The following PDE1A variants were observed in gnomAD, a reference collection of about 807,000 sequenced individuals.
PDE1A encodes the protein dual specificity calcium/calmodulin-dependent 3',5'-cyclic nucleotide phosphodiesterase 1A.
PDE1A carries 35 observed loss-of-function variants against 61.7 expected under a neutral mutation model. The ratio of observed to expected loss-of-function variants is 0.57; its 90% CI spans 0.43 to 0.75. The LOEUF (loss-of-function observed/expected upper bound fraction) is 0.75. Ranked by LOEUF, PDE1A falls within the 30% of genes least tolerant of loss-of-function variation. The pLI is 0.00. For synonymous variants in PDE1A, 232 were observed against 213.2 expected, an observed-to-expected ratio of 1.09 and a Z score of -0.77; for missense variants, 597 against 630.6, an observed-to-expected ratio of 0.95 and a Z score of 0.57.
chr2:182,649,403 G>A, the PDE1A span, among the ~76,000 whole-genome samples: 1 of 152,150 alleles, frequency 6.6e-6, no homozygotes, highest in Non-Finnish European at 1.5e-5. Flanking sequence ...AGAACATAGA[G>A]AGACGCAGGA....
At chr2:182,511,356 T>A (rs1371095348) in intron 2 of PDE1A, among the ~76,000 whole-genome samples, 1 of 152,002 alleles carries the variant, frequency 6.6e-6, no homozygotes, top group East Asian at 1.9e-4. Flanking sequence ...GAATGCTGTA[T>A]GGGATTGCCA....
intron 2 of PDE1A, among the ~76,000 whole-genome samples, chr2:182,449,239 CA>C (rs1202531328): frequency 1.4e-5 from 2 of 145,438 alleles, no homozygotes; most frequent in East Asian, 2.0e-4. Flanking sequence ...AAAAATATAC[CA>C]AAAAAAAGAA....
At chr2:182,412,773 C>A (rs1489144939) in intron 1 of PDE1A, among the ~76,000 whole-genome samples, 2 of 152,148 alleles carry the variant, frequency 1.3e-5, no homozygotes, top group Non-Finnish European at 2.9e-5. Context: ...TTCTCTAATT[C>A]TATGGATATG....
At chr2:182,449,515 G>A (rs1334746979) in intron 2 of PDE1A, among the ~76,000 whole-genome samples, 1 of 151,998 alleles carries the variant, frequency 6.6e-6, no homozygotes, top group Non-Finnish European at 1.5e-5. Flanking sequence ...AAAGGAGGGT[G>A]TTTGTAGTTC....
chr2:182,568,539 G>A, the PDE1A span, among the ~76,000 whole-genome samples: 195 of 152,138 alleles, frequency 1.3e-3, no homozygotes, highest in African/African-American at 4.3e-3. Context: ...AGTGGCGGGC[G>A]CCTGTAGTCC....
chr2:182,212,280 C>G (rs1687683737), intron 7 of PDE1A, among the ~76,000 whole-genome samples: 1 of 151,478 alleles, frequency 6.6e-6, no homozygotes. Flanking sequence ...TATATATACA[C>G]ACACACACAT....
intron 1 of PDE1A, among the ~76,000 whole-genome samples, chr2:182,387,428 GAAGAAAGAAAGAGAGA>G (rs1701178235): frequency 6.6e-6 from 1 of 150,662 alleles, no homozygotes; most frequent in African/African-American, 2.4e-5. Flanking sequence ...AAAAAAAAAA[GAAGAAAGAAAGAGAGA>G]AAGAAAGAAA....
At chr2:182,328,161 G>A (rs1021446152) in intron 1 of PDE1A, among the ~76,000 whole-genome samples, 4 of 152,196 alleles carry the variant, frequency 2.6e-5, no homozygotes, top group Admixed American at 1.3e-4. Flanking sequence ...CAGAGACCAA[G>A]AAGGTGTGAA....
the PDE1A span, among the ~76,000 whole-genome samples, chr2:182,669,351 T>G: frequency 6.6e-5 from 10 of 152,352 alleles, no homozygotes; most frequent in African/African-American, 2.2e-4. Context: ...AATTATTGTT[T>G]TGACAAAGTC....
At chr2:182,632,694 T>C in the PDE1A span, among the ~76,000 whole-genome samples, 2 of 152,126 alleles carry the variant, frequency 1.3e-5, no homozygotes, top group Non-Finnish European at 2.9e-5. Flanking sequence ...TGAAAGCAAA[T>C]AGACTACACC....
intron 7 of PDE1A, among the ~76,000 whole-genome samples, chr2:182,206,813 C>G (rs1023420297): frequency 6.6e-6 from 1 of 152,088 alleles, no homozygotes; most frequent in Admixed American, 6.6e-5. Context: ...CTCATGAGAT[C>G]TGGTGGTTTA....
At chr2:182,156,087 G>A (rs1044145165) in intron 13 of PDE1A, among the ~76,000 whole-genome samples, 3 of 152,122 alleles carry the variant, frequency 2.0e-5, no homozygotes, top group African/African-American at 7.2e-5. Context: ...ATAATTGTGA[G>A]GCCTCACCAG....
chr2:182,654,967 G>A, the PDE1A span, among the ~76,000 whole-genome samples: 2 of 152,086 alleles, frequency 1.3e-5, no homozygotes, highest in South Asian at 4.2e-4. Context: ...TGGCCTTTTT[G>A]CTCATTTGTC....
intron 1 of PDE1A, among the ~76,000 whole-genome samples, chr2:182,334,918 T>C (rs1697685985): frequency 6.6e-6 from 1 of 152,164 alleles, no homozygotes; most frequent in South Asian, 2.1e-4. Flanking sequence ...GATGAGCAAC[T>C]TCAGCAAAGT....
chr2:182,381,169 T>G (rs1026880451), intron 1 of PDE1A, among the ~76,000 whole-genome samples: 4 of 152,002 alleles, frequency 2.6e-5, no homozygotes, highest in Non-Finnish European at 5.9e-5. Context: ...TTCATGAATG[T>G]GTACTTTTTT....
chr2:182,292,615 A>G (rs1227225128), intron 1 of PDE1A, among the ~76,000 whole-genome samples: 1 of 152,056 alleles, frequency 6.6e-6, no homozygotes, highest in East Asian at 1.9e-4. Flanking sequence ...GAATAATAGT[A>G]CAAAATTTGC....
chr2:182,299,950 A>G lies in PDE1A; in HGVS notation c.54-35536T>C, dbSNP rs575895179. The stretch of plus-strand genomic sequence containing the variant: ...TGAGCAGCAGCTAGCAATAAGGACA[A>G]CCACACTGTGACATATCTCAGACAG... On this transcript the variant is annotated intron_variant, in intron 1 of 13. Transcript: ENST00000351439. Among the ~76,000 whole-genome samples the G allele has an allele frequency of 9.8e-5, 15 of 152,304 alleles. No individual in the cohort carries two copies. In the South Asian group the frequency reaches 2.7e-3, roughly 27 times the overall value.
At chr2:182,140,531 C>G (rs1348125819) in exon 15 of PDE1A, 1 of 152,020 alleles carries the variant, frequency 6.6e-6, no homozygotes, top group African/African-American at 2.4e-5. Context: ...ATAAGAAACA[C>G]AGAAAAATAC....
the PDE1A span, among the ~76,000 whole-genome samples, chr2:182,691,454 T>C: frequency 3.9e-5 from 6 of 152,164 alleles, no homozygotes; most frequent in African/African-American, 1.4e-4. Flanking sequence ...TAACAAATGG[T>C]GCTGGGAAAA....
Sources: gnomAD v4.1 joint callset for allele counts (sites outside exome capture counted in the v4.1 genomes callset) on GRCh38, gnomAD v4.1.1 for gene constraint, MANE v1.5 for transcripts, NCBI Gene and HGNC (gene_info 2026-07-23, HGNC 2026-07-21) for gene names.